RALYL: variants seen among roughly 807,000 people sequenced by gnomAD.
The protein encoded by RALYL is RALY RNA binding protein like, also known as RNA-binding Raly-like protein.
RALYL carries 29 observed loss-of-function variants against 35.1 expected under a neutral mutation model. The observed-to-expected ratio is 0.83, with a 90% confidence interval of 0.61 to 1.13. The LOEUF (loss-of-function observed/expected upper bound fraction) is 1.13. Among genes scored for constraint, RALYL ranks in the 50% most tolerant of loss-of-function variants. RALYL has a pLI of 0.00. For missense variants in RALYL, 359 were observed against 360.4 expected (o/e 1.00, Z 0.03); for synonymous variants, 120 against 127.6 (o/e 0.94, Z 0.40).
At chr8:84,828,148 G>T (rs576666987) in intron 4 of RALYL, among the ~76,000 whole-genome samples, 15 of 152,152 alleles carry the variant, frequency 9.9e-5, no homozygotes, top group African/African-American at 3.6e-4. Context: ...TGTGTATTTA[G>T]ATATGTTTAT....
At chr8:84,619,317 T>C (rs1160835684) in intron 2 of RALYL, among the ~76,000 whole-genome samples, 3 of 151,650 alleles carry the variant, frequency 2.0e-5, no homozygotes, top group Non-Finnish European at 4.4e-5. Context: ...TTAGCTCTTC[T>C]TGTTGAATTG....
intron 2 of RALYL, among the ~76,000 whole-genome samples, chr8:84,579,315 G>T (rs908968683): frequency 2.6e-5 from 4 of 152,160 alleles, no homozygotes; most frequent in African/African-American, 9.6e-5. Context: ...ACAGGCAATG[G>T]GAGCAGGCCC....
intron 1 of RALYL, among the ~76,000 whole-genome samples, chr8:84,253,353 C>G (rs768403271): frequency 1.4e-4 from 21 of 148,702 alleles, no homozygotes; most frequent in Non-Finnish European, 2.5e-4. Flanking sequence ...CCACGCCAGG[C>G]TAATTTTTGT....
chr8:84,890,078 C>T (rs1843568570), intron 8 of RALYL, among the ~76,000 whole-genome samples: 1 of 152,150 alleles, frequency 6.6e-6, no homozygotes, highest in Middle Eastern at 3.2e-3. Flanking sequence ...TAAAACCCTA[C>T]AATGTTTTTC....
At chr8:84,888,168 A>G (rs1315200296) in intron 8 of RALYL, among the ~76,000 whole-genome samples, 1 of 152,182 alleles carries the variant, frequency 6.6e-6, no homozygotes, top group East Asian at 1.9e-4. Context: ...AACTGATGAT[A>G]ATTATTTATA....
At chr8:84,723,356 GACTT>G (rs1844351052) in intron 2 of RALYL, among the ~76,000 whole-genome samples, 1 of 151,934 alleles carries the variant, frequency 6.6e-6, no homozygotes. Context: ...GTGCAGTACT[GACTT>G]ACTGTCGATT....
At chr8:84,886,394 T>C (rs1021484676) in intron 7 of RALYL, among the ~76,000 whole-genome samples, 1 of 152,068 alleles carries the variant, frequency 6.6e-6, no homozygotes, top group Non-Finnish European at 1.5e-5. Context: ...TCTCACGTTA[T>C]GAAAAAGACC....
intron 2 of RALYL, among the ~76,000 whole-genome samples, chr8:84,762,147 A>G (rs1812862768): frequency 6.6e-6 from 1 of 152,136 alleles, no homozygotes; most frequent in Admixed American, 6.6e-5. Context: ...ATGAAGGGCA[A>G]GAGAGGGAAT....
chr8:84,610,871 CATGTGTGT>C (rs1394069900), intron 2 of RALYL, among the ~76,000 whole-genome samples: 1 of 152,128 alleles, frequency 6.6e-6, no homozygotes. Context: ...CGTCAATGTA[CATGTGTGT>C]ATGTGTGTAT....
intron 1 of RALYL, among the ~76,000 whole-genome samples, chr8:84,238,872 T>C (rs1827220794): frequency 6.6e-6 from 1 of 152,304 alleles, no homozygotes; most frequent in East Asian, 1.9e-4. Context: ...ATATAATGAA[T>C]TGGACATAGT....
intron 2 of RALYL, among the ~76,000 whole-genome samples, chr8:84,749,799 T>G (rs1809521312): frequency 6.6e-6 from 1 of 152,112 alleles, no homozygotes; most frequent in Non-Finnish European, 1.5e-5. Flanking sequence ...AAGCCCAAGA[T>G]TTATTGTGAG....
At chr8:84,266,959 CAAAAA>C (rs747403533) in intron 1 of RALYL, among the ~76,000 whole-genome samples, 3 of 60,398 alleles carry the variant, frequency 5.0e-5, no homozygotes, top group Non-Finnish European at 9.9e-5. Flanking sequence ...GACTCCGTCT[CAAAAA>C]AAAAAAAAAA....
intron 1 of RALYL, among the ~76,000 whole-genome samples, chr8:84,292,982 T>A (rs1839046102): frequency 6.6e-6 from 1 of 152,298 alleles, no homozygotes; most frequent in South Asian, 2.1e-4. Flanking sequence ...TTTCTTACTT[T>A]CCACATCATG....
intron 2 of RALYL, among the ~76,000 whole-genome samples, chr8:84,563,100 C>T (rs1241404154): frequency 6.6e-6 from 1 of 151,826 alleles, no homozygotes; most frequent in Non-Finnish European, 1.5e-5. Context: ...TCTCTTCTGG[C>T]TCCGAGAATA....
intron 1 of RALYL, among the ~76,000 whole-genome samples, chr8:84,485,801 C>A (rs528332187): frequency 6.6e-6 from 1 of 152,146 alleles, no homozygotes; most frequent in African/African-American, 2.4e-5. Flanking sequence ...TCTCACGACA[C>A]CCTCTGTTGC....
At chr8:84,191,790 A>T (rs994857036) in intron 1 of RALYL, among the ~76,000 whole-genome samples, 7 of 151,950 alleles carry the variant, frequency 4.6e-5, no homozygotes, top group African/African-American at 1.7e-4. Flanking sequence ...AATGACAATT[A>T]ATAATTAAAT....
intron 1 of RALYL, among the ~76,000 whole-genome samples, chr8:84,297,558 G>T (rs533545477): frequency 6.6e-6 from 1 of 151,982 alleles, no homozygotes; most frequent in African/African-American, 2.4e-5. Flanking sequence ...TTATATTTTT[G>T]GAGGTATATA....
intron 2 of RALYL, among the ~76,000 whole-genome samples, chr8:84,710,572 G>GAAACAACAAAGC (rs1554789957): frequency 0.01 from 1,530 of 152,054 alleles, 22 homozygotes; most frequent in African/African-American, 0.035. Flanking sequence ...AAAGTGCTGG[G>GAAACAACAAAGC]ATTACAGTTG....
At chr8:84,494,269 GT>G (rs1392391761) in intron 1 of RALYL, among the ~76,000 whole-genome samples, 1 of 152,078 alleles carries the variant, frequency 6.6e-6, no homozygotes, top group Non-Finnish European at 1.5e-5. Context: ...CTATATGTCT[GT>G]TTTTGTACCA....
Sources: allele counts gnomAD v4.1 joint callset (sites outside exome capture counted in the v4.1 genomes callset), GRCh38; gene constraint gnomAD v4.1.1; transcripts MANE v1.5; gene names NCBI Gene and HGNC (gene_info 2026-07-23, HGNC 2026-07-21).